PDLIM5: variants seen among roughly 807,000 people sequenced by gnomAD.
The protein encoded by PDLIM5 is PDZ and LIM domain protein 5.
In PDLIM5, 34 loss-of-function variants were observed where a neutral mutation model predicts 64.2. The observed-to-expected ratio is 0.53, with a 90% CI of 0.40 to 0.71. The LOEUF (loss-of-function observed/expected upper bound fraction) is 0.71, where lower values mean the gene tolerates loss of function less well. PDLIM5 is among the 30% of genes least tolerant of loss of function. PDLIM5 has a pLI of 0.00. For missense variants in PDLIM5, 683 were observed against 733.6 expected (o/e 0.93, Z 0.80); for synonymous variants, 253 against 269.1 (o/e 0.94, Z 0.59).
intron 9 of PDLIM5, among the ~76,000 whole-genome samples, chr4:94,646,584 G>A (rs574020116): frequency 5.3e-5 from 8 of 152,254 alleles, no homozygotes; most frequent in African/African-American, 1.4e-4. Context: ...ATGGTAAGTC[G>A]AACAGAGATG....
intron 2 of PDLIM5, among the ~76,000 whole-genome samples, chr4:94,469,960 A>ATTTTTTTTTTTTTTTTTTTTTTTTTTT (rs34572366): frequency 1.4e-5 from 1 of 71,556 alleles, no homozygotes; most frequent in Non-Finnish European, 2.4e-5. Flanking sequence ...CATTCTTTTA[A>ATTTTTTTTTTTTTTTTTTTTTTTTTTT]TTTTTTTTTT....
intron 3 of PDLIM5, among the ~76,000 whole-genome samples, chr4:94,569,002 C>T (rs182814683): frequency 1.6e-4 from 25 of 152,076 alleles, no homozygotes; most frequent in African/African-American, 9.6e-5. Flanking sequence ...TTTTTTGGCA[C>T]GTTGAGTGAA....
rs1560642911 is a variant in PDLIM5, at chr4:94,478,911, T to TTTTTTTTTG, written c.96+23533_96+23534insTTGTTTTTT. ...TGGTGTTTTTTTTTTTTTTTTTTTT[T>TTTTTTTTTG]TTTTTTAAGACAGGGTCTTGCTGTG... On this transcript the variant is annotated intron_variant, in intron 2 of 12. Transcript: ENST00000317968. Among the ~76,000 whole-genome samples the TTTTTTTTTG allele has an allele frequency of 2.8e-3, 401 of 145,362 alleles. 6 individuals are homozygous for TTTTTTTTTG. The highest frequency in any genetic ancestry group is 0.01 in the African/African-American group (389 of 37,260).
chr4:94,602,230 A>T (rs763623669), intron 7 of PDLIM5, among the ~76,000 whole-genome samples: 1 of 152,098 alleles, frequency 6.6e-6, no homozygotes, highest in Non-Finnish European at 1.5e-5. Flanking sequence ...TGATCATTTT[A>T]TCATATTTAT....
At chr4:94,543,344 A>T (rs989418971) in intron 3 of PDLIM5, among the ~76,000 whole-genome samples, 2 of 152,014 alleles carry the variant, frequency 1.3e-5, no homozygotes, top group African/African-American at 4.8e-5. Context: ...TATGTTTATC[A>T]TGTACAACAT....
intron 2 of PDLIM5, among the ~76,000 whole-genome samples, chr4:94,514,302 T>C (rs920866501): frequency 6.6e-6 from 1 of 151,856 alleles, no homozygotes; most frequent in African/African-American, 2.4e-5. Flanking sequence ...GCCCAGCTAA[T>C]TTTTTGTATT....
At chr4:94,640,247 C>T in intron 8 of PDLIM5, 29 bp from the exon 9 acceptor site, 1 of 1,343,432 alleles carries the variant, frequency 7.4e-7, no homozygotes, top group East Asian at 2.3e-5. Flanking sequence ...GGCTTATTCT[C>T]ATTCTGATTC....
chr4:94,520,066 C>A (rs994298481), intron 2 of PDLIM5, among the ~76,000 whole-genome samples: 5 of 152,126 alleles, frequency 3.3e-5, no homozygotes, highest in Admixed American at 2.0e-4. Context: ...CAGGAGCATA[C>A]AGTTTTCTGG....
chr4:94,510,576 G>A lies in PDLIM5; in HGVS notation c.97-13148G>A, dbSNP rs958847217. Among the ~76,000 whole-genome samples the A allele has an allele frequency of 4.6e-5, 7 of 152,084 alleles. No individual in the cohort carries two copies. In the South Asian group the frequency reaches 8.3e-4, roughly 18 times the overall value. ...TTCTGTATGTTTAACTTTGATTATT[G>A]TTCATCTGATAGTCCTAATTTTGTT... On this transcript the variant is annotated intron_variant, in intron 2 of 12. Transcript: ENST00000317968.
chr4:94,606,196 A>G (rs370034450), intron 7 of PDLIM5, among the ~76,000 whole-genome samples: 2 of 152,340 alleles, frequency 1.3e-5, no homozygotes, highest in East Asian at 1.9e-4. Flanking sequence ...CTTCATGTAT[A>G]TCAGTAACTA....
rs1010935634 is a variant in PDLIM5, at chr4:94,624,881, C to T, written c.1108+6690C>T. 5.9e-5 allele frequency among the ~76,000 whole-genome samples: 9 copies of T among 152,018 alleles called. No individual in the cohort carries two copies. The South Asian group carries it at 1.0e-3, about 18-fold the overall frequency. On this transcript the variant is annotated intron_variant, in intron 8 of 12. Transcript: ENST00000317968. ...GGAAGCTATTAAAACATTTATAAGC[C>T]GGAAGTGGCAAAATCAGACTTGCAT...
chr4:94,625,744 C>T (rs1281722378), intron 8 of PDLIM5, among the ~76,000 whole-genome samples: 1 of 152,124 alleles, frequency 6.6e-6, no homozygotes, highest in Non-Finnish European at 1.5e-5. Context: ...TGAGCCACTG[C>T]GCCCGGCCAA....
intron 3 of PDLIM5, among the ~76,000 whole-genome samples, chr4:94,551,347 C>G (rs1374901873): frequency 2.0e-5 from 3 of 152,074 alleles, no homozygotes; most frequent in Non-Finnish European, 4.4e-5. Flanking sequence ...AGATTTAACT[C>G]TGTTTGCAAA....
intron 7 of PDLIM5, among the ~76,000 whole-genome samples, chr4:94,601,581 A>G (rs1227077938): frequency 1.3e-5 from 2 of 152,186 alleles, no homozygotes; most frequent in Non-Finnish European, 2.9e-5. Context: ...CAAAAAATCA[A>G]CCTCATTTTG....
At chr4:94,494,418 A>AT (rs1193574571) in intron 2 of PDLIM5, among the ~76,000 whole-genome samples, 9 of 79,930 alleles carry the variant, frequency 1.1e-4, no homozygotes, top group Non-Finnish European at 1.8e-4. Context: ...GCATTCACTA[A>AT]TTTTTTTTTT....
At chr4:94,537,483 T>A (rs1447534047) in intron 3 of PDLIM5, among the ~76,000 whole-genome samples, 1 of 152,166 alleles carries the variant, frequency 6.6e-6, no homozygotes, top group Non-Finnish European at 1.5e-5. Flanking sequence ...AGGATTTAAA[T>A]AAATAAATTA....
At chr4:94,586,661 A>G (rs1736232249) in intron 7 of PDLIM5, among the ~76,000 whole-genome samples, 1 of 152,180 alleles carries the variant, frequency 6.6e-6, no homozygotes. Flanking sequence ...TTTCCCTAGT[A>G]TTGAAATAAG....
intron 11 of PDLIM5, among the ~76,000 whole-genome samples, chr4:94,659,494 ATGTGTGTGTGTGTGTG>A (rs1163008328): frequency 9.2e-5 from 10 of 109,118 alleles, no homozygotes; most frequent in South Asian, 6.0e-4. Context: ...ATATGTGTGT[ATGTGTGTGTGTGTGTG>A]TGTGTGTGTG....
intron 3 of PDLIM5, among the ~76,000 whole-genome samples, chr4:94,530,605 A>T (rs962144082): frequency 3.3e-5 from 5 of 149,772 alleles, no homozygotes; most frequent in Admixed American, 6.6e-5. Context: ...GTGGTTTTTT[A>T]AAATTTTTGT....
Sources: allele counts gnomAD v4.1 joint callset (sites outside exome capture counted in the v4.1 genomes callset), GRCh38; gene constraint gnomAD v4.1.1; transcripts MANE v1.5; gene names NCBI Gene and HGNC (gene_info 2026-07-23, HGNC 2026-07-21).